The following ATE1 variants were observed in gnomAD, a reference collection of about 807,000 sequenced individuals.
ATE1 encodes the protein arginyl-tRNA--protein transferase 1.
ATE1 carries 36 observed loss-of-function variants against 70.5 expected under a neutral mutation model. The observed-to-expected ratio is 0.51, with a 90% confidence interval of 0.39 to 0.67. The LOEUF is 0.67. Ranked by LOEUF, ATE1 falls within the 30% of genes least tolerant of loss-of-function variation. The pLI is 0.00. For missense variants in ATE1, 593 were observed against 629.5 expected, an observed-to-expected ratio of 0.94 and a Z score of 0.62; for synonymous variants, 232 against 219.3, an observed-to-expected ratio of 1.06 and a Z score of -0.51.
intron 11 of ATE1, among the ~76,000 whole-genome samples, chr10:121,760,295 T>A (rs1481450707): frequency 6.6e-6 from 1 of 152,228 alleles, no homozygotes; most frequent in Non-Finnish European, 1.5e-5. Context: ...ATAGCTACCA[T>A]AAAAGTGATT....
chr10:121,855,212 A>G (rs566044705), intron 8 of ATE1, among the ~76,000 whole-genome samples: 3 of 151,994 alleles, frequency 2.0e-5, no homozygotes, highest in Admixed American at 1.3e-4. Context: ...CTCCAATCTC[A>G]CTCTGTGTCC....
intron 10 of ATE1, among the ~76,000 whole-genome samples, chr10:121,804,151 T>C (rs1947001783): frequency 6.6e-6 from 1 of 152,214 alleles, no homozygotes; most frequent in Admixed American, 6.5e-5. Flanking sequence ...ACATGACCAT[T>C]TTTAACTTAA....
Position 121,902,570 on chromosome 10 carries a change from G to A in ATE1, c.634C>T (p.Arg212Trp), listed in dbSNP as rs535459996. The A allele has an allele frequency of 2.5e-6, 4 of 1,613,872 alleles. No individual in the cohort carries two copies. The highest frequency in any genetic ancestry group is 1.3e-5 in the African/African-American group (1 of 75,020). Residue 212 changes from arginine to tryptophan, a missense_variant, in exon 6 of 12, where the codon CGG becomes TGG. This residue lies in a region of ATE1 where 467 missense variants were observed against 469.6 expected (regional missense o/e 0.99). Coordinates refer to ENST00000224652, the MANE Select transcript of ATE1 (RefSeq NM_001001976.3). The stretch of plus-strand genomic sequence containing the variant: ...AGTTTTAACCTTTTCCTTTCTTTCC[G>A]GATTTCCTTTGCTTTTCGACATGGA... The part of the protein sequence containing the change: ...KPPCRKAKEI[R>W]KERKRLKLMQ...
At chr10:121,823,111 C>A (rs6585762) in intron 10 of ATE1, among the ~76,000 whole-genome samples, 39,354 of 151,754 alleles carry the variant, frequency 0.26, 5,801 homozygotes, top group East Asian at 0.53. Flanking sequence ...TAACACAGTG[C>A]AACCCCATCT....
intron 7 of ATE1, among the ~76,000 whole-genome samples, chr10:121,879,961 T>C (rs1950177666): frequency 6.6e-6 from 1 of 152,146 alleles, no homozygotes. Flanking sequence ...GGCAAAATCT[T>C]TCAAATTAAC....
intron 11 of ATE1, among the ~76,000 whole-genome samples, chr10:121,778,872 G>T (rs1397109968): frequency 6.6e-6 from 1 of 151,998 alleles, no homozygotes; most frequent in Non-Finnish European, 1.5e-5. Context: ...CAAAGTTCTG[G>T]GATTACAGGT....
At chr10:121,909,455 C>G (rs1227284588) in intron 5 of ATE1, among the ~76,000 whole-genome samples, 1 of 151,870 alleles carries the variant, frequency 6.6e-6, no homozygotes, top group East Asian at 1.9e-4. Flanking sequence ...AAGTTCTTAT[C>G]TTTTAGAAAC....
At chr10:121,917,018 G>A (rs1314738330) in intron 3 of ATE1, among the ~76,000 whole-genome samples, 1 of 151,980 alleles carries the variant, frequency 6.6e-6, no homozygotes, top group Non-Finnish European at 1.5e-5. Flanking sequence ...ACAAAACTTA[G>A]CCAGGCATAG....
At chr10:121,816,537 C>A (rs1947550273) in intron 10 of ATE1, among the ~76,000 whole-genome samples, 1 of 152,126 alleles carries the variant, frequency 6.6e-6, no homozygotes, top group South Asian at 2.1e-4. Context: ...TCCTTCTGCC[C>A]CGTGAGGACA....
intron 10 of ATE1, among the ~76,000 whole-genome samples, chr10:121,821,262 C>T (rs1947787385): frequency 6.6e-6 from 1 of 152,032 alleles, no homozygotes; most frequent in Non-Finnish European, 1.5e-5. Context: ...ATTTCCATGG[C>T]CATAGGGTAG....
chr10:121,921,211 C>T (rs1590735457), intron 3 of ATE1, among the ~76,000 whole-genome samples: 1 of 151,956 alleles, frequency 6.6e-6, no homozygotes, highest in Admixed American at 6.6e-5. Flanking sequence ...GTTTTTCAAC[C>T]CTTAGCTCAC....
intron 8 of ATE1, among the ~76,000 whole-genome samples, chr10:121,855,578 C>T (rs1331286558): frequency 6.6e-6 from 1 of 152,098 alleles, no homozygotes; most frequent in Non-Finnish European, 1.5e-5. Flanking sequence ...TTCGAAAAAG[C>T]CGTTATTTCT....
At chr10:121,764,714 T>C (rs890880592) in intron 11 of ATE1, among the ~76,000 whole-genome samples, 3 of 152,020 alleles carry the variant, frequency 2.0e-5, no homozygotes, top group African/African-American at 7.2e-5. Context: ...GTTTTCTGAG[T>C]TTATGCTTTG....
rs576574214 is a variant in ATE1, at chr10:121,761,845, CT to C, written c.1379-17988del. Among the ~76,000 whole-genome samples the C allele has an allele frequency of 2.7e-3, 410 of 152,200 alleles. 2 individuals are homozygous for C. The highest frequency in any genetic ancestry group is 9.4e-3 in the African/African-American group (392 of 41,524). ...ATCGATTTTTTCTCTATATTAGTTC[CT>C]TTTCACTAACTTTTACAAAAGCTTA... On this transcript the variant is annotated intron_variant, in intron 11 of 11. Transcript: ENST00000224652.
intron 10 of ATE1, among the ~76,000 whole-genome samples, chr10:121,817,688 A>C (rs540452730): frequency 6.6e-6 from 1 of 152,294 alleles, no homozygotes; most frequent in East Asian, 1.9e-4. Context: ...CTTTGTATCA[A>C]GGAGAGTCAG....
chr10:121,779,828 G>C (rs1474279932), intron 11 of ATE1, among the ~76,000 whole-genome samples: 1 of 152,080 alleles, frequency 6.6e-6, no homozygotes, highest in Non-Finnish European at 1.5e-5. Flanking sequence ...ACTAAAACAA[G>C]GTCTTCACCA....
At chr10:121,763,275 T>C (rs535674860) in intron 11 of ATE1, among the ~76,000 whole-genome samples, 8 of 152,286 alleles carry the variant, frequency 5.3e-5, no homozygotes, top group African/African-American at 1.7e-4. Context: ...TCCAGATGAA[T>C]TGAAAACTTA....
chr10:121,798,871 C>A (rs1269210106), intron 10 of ATE1, among the ~76,000 whole-genome samples: 1 of 150,240 alleles, frequency 6.7e-6, no homozygotes. Flanking sequence ...TGCATTCCAG[C>A]CTGGGTGACA....
intron 10 of ATE1, among the ~76,000 whole-genome samples, chr10:121,797,502 CT>C (rs1172668277): frequency 3.3e-5 from 5 of 152,212 alleles, no homozygotes; most frequent in South Asian, 4.2e-4. Context: ...CCCTTGCCCC[CT>C]AGCCCCTAGC....
Sources: allele counts gnomAD v4.1 joint callset (sites outside exome capture counted in the v4.1 genomes callset), GRCh38; gene constraint gnomAD v4.1.1; regional missense constraint gnomAD v4.1.1; transcripts MANE v1.5; gene names NCBI Gene and HGNC (gene_info 2026-07-23, HGNC 2026-07-21).